COL25A1: variants seen among roughly 807,000 people sequenced by gnomAD.
COL25A1 encodes collagen type XXV alpha 1 chain, also known as collagen alpha-1(XXV) chain.
COL25A1 carries 103 observed loss-of-function variants against 128.4 expected under a neutral mutation model. The observed-to-expected ratio is 0.80, with a 90% CI of 0.68 to 0.94. COL25A1 has a LOEUF of 0.94. COL25A1 is among the 40% of genes least tolerant of loss of function. COL25A1 has a pLI of 0.00. For missense variants in COL25A1, 745 were observed against 840.0 expected, an observed-to-expected ratio of 0.89 and a Z score of 1.40; for synonymous variants, 279 against 277.2, an observed-to-expected ratio of 1.01 and a Z score of -0.06.
Position 109,006,378 on chromosome 4 carries a change from A to ATTTTTTTTTTTTTTTTTTT in COL25A1, c.438+3961_438+3979dup, listed in dbSNP as rs56845799. ...AGGTGTGCACTGCCACACCCAGCTA[A>ATTTTTTTTTTTTTTTTTTT]TTTTTTTTTTTTTTTTTTTTTTTTT... On this transcript the variant is annotated intron_variant, in intron 6 of 37. Transcript: ENST00000399132. Among the ~76,000 whole-genome samples the ATTTTTTTTTTTTTTTTTTT allele has an allele frequency of 8.3e-4, 43 of 51,870 alleles. 1 individual carries two copies. Among genetic ancestry groups the ATTTTTTTTTTTTTTTTTTT allele is most frequent in the African/African-American group, 1.6e-3 (21 of 12,762 alleles). 34.0% of individuals were successfully genotyped at this position (51,870 alleles called of 152,430 possible).
intron 13 of COL25A1, among the ~76,000 whole-genome samples, chr4:108,908,412 T>TC (rs1743789173): frequency 6.6e-6 from 1 of 152,176 alleles, no homozygotes; most frequent in African/African-American, 2.4e-5. Context: ...GTGTAGCAGT[T>TC]CAGTAGTCTT....
intron 3 of COL25A1, among the ~76,000 whole-genome samples, chr4:109,265,518 C>CGTGTGTGTGTGTGT (rs57643656): frequency 1.2e-4 from 16 of 129,702 alleles, no homozygotes; most frequent in South Asian, 2.7e-4. Context: ...AATAACAGTA[C>CGTGTGTGTGTGTGT]GTGTGTGTGT....
intron 6 of COL25A1, among the ~76,000 whole-genome samples, chr4:108,999,670 T>G (rs1755157014): frequency 6.6e-6 from 1 of 152,178 alleles, no homozygotes; most frequent in Admixed American, 6.5e-5. Flanking sequence ...TGCACACGTA[T>G]GTTTATTACG....
At chr4:109,096,915 G>A (rs575689108) in intron 3 of COL25A1, among the ~76,000 whole-genome samples, 86 of 152,196 alleles carry the variant, frequency 5.7e-4, no homozygotes, top group African/African-American at 2.0e-3. Context: ...ATTAATCGGG[G>A]CATCCTCCAT....
chr4:109,046,738 CTGAAT>C (rs762771322), intron 5 of COL25A1, among the ~76,000 whole-genome samples: 9 of 152,182 alleles, frequency 5.9e-5, no homozygotes, highest in Non-Finnish European at 1.2e-4. Flanking sequence ...AACGTTTCCT[CTGAAT>C]AAAGTAAATA....
chr4:109,202,193 T>G (rs1294693486), intron 3 of COL25A1, among the ~76,000 whole-genome samples: 1 of 152,082 alleles, frequency 6.6e-6, no homozygotes, highest in Non-Finnish European at 1.5e-5. Context: ...ATCAGAGGAC[T>G]GATGCTACCC....
chr4:108,977,197 G>A (rs947106529), intron 6 of COL25A1, among the ~76,000 whole-genome samples: 20 of 152,112 alleles, frequency 1.3e-4, no homozygotes, highest in South Asian at 4.1e-4. Context: ...TAGTCCCAGC[G>A]TCTCAAGTTC....
At chr4:108,831,285 G>C (rs1386792048) in intron 32 of COL25A1, among the ~76,000 whole-genome samples, 1 of 152,000 alleles carries the variant, frequency 6.6e-6, no homozygotes, top group African/African-American at 2.4e-5. Flanking sequence ...AGCAAAATAG[G>C]CTTTACCTAA....
At chr4:108,912,530 T>C (rs915121770) in intron 13 of COL25A1, among the ~76,000 whole-genome samples, 7 of 152,146 alleles carry the variant, frequency 4.6e-5, no homozygotes, top group Non-Finnish European at 1.0e-4. Flanking sequence ...TACTGCATAA[T>C]AAATTACTGG....
intron 5 of COL25A1, among the ~76,000 whole-genome samples, chr4:109,042,009 CA>C (rs983133565): frequency 7.9e-5 from 12 of 151,980 alleles, no homozygotes; most frequent in African/African-American, 2.9e-4. Context: ...AATAATGTTG[CA>C]AAAAAATTGT....
intron 6 of COL25A1, among the ~76,000 whole-genome samples, chr4:108,989,243 C>T (rs551078737): frequency 2.0e-5 from 3 of 152,398 alleles, no homozygotes; most frequent in African/African-American, 7.2e-5. Flanking sequence ...GGATTTCAAA[C>T]TGTGCCTGCC....
intron 8 of COL25A1, among the ~76,000 whole-genome samples, chr4:108,942,042 T>C (rs1748170039): frequency 6.6e-6 from 1 of 152,188 alleles, no homozygotes; most frequent in Non-Finnish European, 1.5e-5. Flanking sequence ...TACACCCTCT[T>C]AATAGATATT....
chr4:109,080,931 T>C (rs1251936436), intron 3 of COL25A1, among the ~76,000 whole-genome samples: 1 of 152,218 alleles, frequency 6.6e-6, no homozygotes, highest in Non-Finnish European at 1.5e-5. Context: ...CATAATATAC[T>C]TATCTAATTT....
intron 3 of COL25A1, among the ~76,000 whole-genome samples, chr4:109,184,931 A>T (rs1382617985): frequency 6.6e-6 from 1 of 152,186 alleles, no homozygotes; most frequent in Non-Finnish European, 1.5e-5. Flanking sequence ...CTCCTGGGGA[A>T]TCCCATCTCT....
intron 5 of COL25A1, among the ~76,000 whole-genome samples, chr4:109,038,815 C>T (rs182288385): frequency 8.4e-4 from 128 of 152,272 alleles, no homozygotes; most frequent in South Asian, 8.3e-4. Flanking sequence ...CCCTCTGCCC[C>T]CACTGGAGAT....
chr4:109,142,104 C>G (rs1770462226), intron 3 of COL25A1, among the ~76,000 whole-genome samples: 1 of 152,150 alleles, frequency 6.6e-6, no homozygotes, highest in African/African-American at 2.4e-5. Context: ...TTAGCTGTGT[C>G]CCAGAGATTC....
chr4:108,957,140 C>T (rs540500616), intron 8 of COL25A1, among the ~76,000 whole-genome samples: 26 of 152,020 alleles, frequency 1.7e-4, no homozygotes, highest in African/African-American at 6.0e-4. Flanking sequence ...TTTATCCAGG[C>T]CCACCTGGAT....
intron 3 of COL25A1, among the ~76,000 whole-genome samples, chr4:109,050,833 ATAGT>A (rs376389476): frequency 7.2e-5 from 11 of 152,216 alleles, no homozygotes; most frequent in African/African-American, 2.2e-4. Flanking sequence ...CATTCAATAA[ATAGT>A]TAGCCTTTAT....
At chr4:109,290,028 G>T (rs1355868486) in intron 3 of COL25A1, among the ~76,000 whole-genome samples, 1 of 151,998 alleles carries the variant, frequency 6.6e-6, no homozygotes, top group African/African-American at 2.4e-5. Flanking sequence ...GAGAAAAAAT[G>T]ATGTATGATA....
Sources: allele counts gnomAD v4.1 joint callset (sites outside exome capture counted in the v4.1 genomes callset), GRCh38; gene constraint gnomAD v4.1.1; transcripts MANE v1.5; gene names NCBI Gene and HGNC (gene_info 2026-07-23, HGNC 2026-07-21).